The following SIRT1 variants were observed in gnomAD, a reference collection of about 807,000 sequenced individuals.
The protein encoded by SIRT1 is sirtuin 1, also known as NAD-dependent protein deacetylase sirtuin-1.
SIRT1 carries 24 observed loss-of-function variants against 67.9 expected under a neutral mutation model. The ratio of observed to expected loss-of-function variants is 0.35; its 90% CI spans 0.26 to 0.50. The LOEUF is 0.50. Among genes scored for constraint, SIRT1 ranks in the 20% least tolerant of loss-of-function variants. The pLI, the probability that SIRT1 is intolerant of heterozygous loss-of-function variation, is 0.98. For synonymous variants in SIRT1, 378 were observed against 350.7 expected (o/e 1.08, Z -0.87); for missense variants, 873 against 937.2 (o/e 0.93, Z 0.89).
At chr10:67,904,123 G>GTTTTTT (rs1262495636) in intron 4 of SIRT1, among the ~76,000 whole-genome samples, 1 of 115,448 alleles carries the variant, frequency 8.7e-6, no homozygotes, top group Non-Finnish European at 1.8e-5. Context: ...AGTTTTTTTT[G>GTTTTTT]TTTGTTTTTT....
chr10:67,888,768 A>G, intron 2 of SIRT1, 114 bp from the exon 3 acceptor site: 1 of 1,185,384 alleles, frequency 8.4e-7, no homozygotes, highest in South Asian at 1.6e-5. Context: ...ATTAAATTGC[A>G]TTTTCTTACT....
chr10:67,900,610 GTTTC>G (rs1842727285), intron 4 of SIRT1, among the ~76,000 whole-genome samples: 1 of 149,326 alleles, frequency 6.7e-6, no homozygotes, highest in Admixed American at 6.8e-5. Flanking sequence ...ATGCCCTGCT[GTTTC>G]TTTGTTTTTT....
rs992635504 is a variant in SIRT1, at chr10:67,916,715, G to A, written c.*122G>A. 1.7e-5 allele frequency: 12 copies of A among 692,608 alleles called. No individual in the cohort carries two copies. Among genetic ancestry groups the A allele is most frequent in the African/African-American group, 1.4e-4 (8 of 55,864 alleles). 42.9% of individuals were successfully genotyped at this position (692,608 alleles called of 1,614,324 possible). On this transcript the variant is annotated 3_prime_UTR_variant, in exon 9 of 9. Transcript: ENST00000212015. ...AACCAGAAAGGTGTAATATTTATAG[G>A]TTGGTAAAATAGATTGTTTTTCATG...
intron 1 of SIRT1, 56 bp downstream of exon 1, chr10:67,885,207 T>C (rs1842456582): frequency 1.5e-6 from 2 of 1,290,858 alleles, no homozygotes; most frequent in South Asian, 2.5e-5. Context: ...CTCCCCGGGC[T>C]CCTACTGGCC....
chr10:67,905,714 AT>A (rs1303381981), intron 4 of SIRT1, among the ~76,000 whole-genome samples: 1 of 152,250 alleles, frequency 6.6e-6, no homozygotes, highest in Admixed American at 6.5e-5. Context: ...GGACATCTCT[AT>A]ATACATATGC....
chr10:67,896,056 C>T (rs944912826), intron 4 of SIRT1, among the ~76,000 whole-genome samples: 5 of 152,170 alleles, frequency 3.3e-5, no homozygotes, highest in East Asian at 1.9e-4. Context: ...TTCATTTAGA[C>T]TGGAAATTTC....
rs567883651 is a variant in SIRT1 at position 67,894,245 on chromosome 10, CAA to C, written c.942+2692_942+2693del. Among the ~76,000 whole-genome samples, 48 of 152,270 alleles carry C rather than the reference CAA, an allele frequency of 3.2e-4. No individual in the cohort carries two copies. The East Asian group carries it at 4.4e-3, about 14-fold the overall frequency. On this transcript the variant is annotated intron_variant, in intron 4 of 8. Coordinates refer to ENST00000212015, the MANE Select transcript of SIRT1 (RefSeq NM_012238.5). ...TGAATTTGAAAAGTTTTCAGGCTAT[CAA>C]GAGAATTTTTAACTTAAAACTTATA...
At chr10:67,905,751 A>T (rs1842812186) in intron 4 of SIRT1, among the ~76,000 whole-genome samples, 1 of 152,246 alleles carries the variant, frequency 6.6e-6, no homozygotes, top group Non-Finnish European at 1.5e-5. Context: ...TTGCTTAGTA[A>T]CAAAAACAAA....
At chr10:67,911,767 C>G (rs905888932) in intron 7 of SIRT1, among the ~76,000 whole-genome samples, 3 of 147,432 alleles carry the variant, frequency 2.0e-5, no homozygotes, top group Non-Finnish European at 3.0e-5. Flanking sequence ...GTCCGTCCTT[C>G]CTTCCTCCCA....
At chr10:67,889,233 G>A in intron 3 of SIRT1, 110 bp downstream of exon 3, 1 of 1,270,548 alleles carries the variant, frequency 7.9e-7, no homozygotes, top group Non-Finnish European at 1.1e-6. Context: ...GATAATGGAT[G>A]TTTGGGAACT....
intron 4 of SIRT1, among the ~76,000 whole-genome samples, chr10:67,896,271 C>T (rs1333547054): frequency 1.3e-5 from 2 of 152,138 alleles, no homozygotes; most frequent in African/African-American, 4.8e-5. Context: ...TAGCTGAGAC[C>T]ATAGGCACGT....
At chr10:67,914,730 G>A (rs1055543555) in intron 8 of SIRT1, among the ~76,000 whole-genome samples, 3 of 151,722 alleles carry the variant, frequency 2.0e-5, no homozygotes, top group Non-Finnish European at 2.9e-5. Flanking sequence ...TTTTTGAGAC[G>A]GAGTTTTGCT....
At chr10:67,913,053 T>C (rs1200167865) in intron 8 of SIRT1, 22 bp downstream of exon 8, 3 of 1,571,100 alleles carry the variant, frequency 1.9e-6, no homozygotes, top group Non-Finnish European at 2.6e-6. Context: ...AGTCGGACCA[T>C]TTTGAAAGTA....
In SIRT1 at chr10:67,887,415, A is replaced by G. The variant is rs769033157; in HGVS notation, c.431-2A>G. 6.2e-7 allele frequency: 1 copy of G among 1,605,216 alleles called. No homozygotes were observed. ...CCTTGACTGACTTGGTTTCTTTTGC[A>G]GATAACCTTCTGTTCGGTGATGAAA... On this transcript the variant is annotated splice_acceptor_variant, in intron 1 of 8. Coordinates refer to ENST00000212015, the MANE Select transcript of SIRT1 (RefSeq NM_012238.5). LOFTEE classifies it high-confidence loss of function.
At chr10:67,904,865 G>T (rs562186825) in intron 4 of SIRT1, among the ~76,000 whole-genome samples, 3 of 150,802 alleles carry the variant, frequency 2.0e-5, no homozygotes, top group African/African-American at 7.3e-5. Context: ...AAAAAAGCAG[G>T]CTTATAAAAT....
intron 4 of SIRT1, among the ~76,000 whole-genome samples, 160 bp downstream of exon 4, chr10:67,891,714 C>T (rs1842576617): frequency 6.6e-6 from 1 of 152,086 alleles, no homozygotes; most frequent in Non-Finnish European, 1.5e-5. Flanking sequence ...TCCTTTATTC[C>T]TAGAGGAGGA....
intron 2 of SIRT1, 80 bp downstream of exon 2, chr10:67,887,613 G>T: frequency 1.0e-6 from 1 of 952,726 alleles, no homozygotes; most frequent in South Asian, 1.4e-5. Context: ...TTTCGCTCTT[G>T]TTGCGGAGGC....
chr10:67,899,677 TG>T (rs1206137426), intron 4 of SIRT1, among the ~76,000 whole-genome samples: 1 of 152,192 alleles, frequency 6.6e-6, no homozygotes, highest in Non-Finnish European at 1.5e-5. Context: ...CAAAGAAGGC[TG>T]TGTAGCATTC....
intron 1 of SIRT1, 160 bp downstream of exon 1, chr10:67,885,311 G>C (rs1303820468): frequency 5.6e-6 from 7 of 1,241,252 alleles, no homozygotes; most frequent in Non-Finnish European, 6.0e-6. Flanking sequence ...CCGGGGCTGC[G>C]GTTCCTACTG....
Sources: allele counts gnomAD v4.1 joint callset (sites outside exome capture counted in the v4.1 genomes callset), GRCh38; gene constraint gnomAD v4.1.1; transcripts MANE v1.5; gene names NCBI Gene and HGNC (gene_info 2026-07-23, HGNC 2026-07-21).